The following TRMT6 variants were observed in gnomAD, a reference collection of about 807,000 sequenced individuals.
TRMT6 encodes the protein tRNA (adenine(58)-N(1))-methyltransferase non-catalytic subunit TRM6.
TRMT6 carries 34 observed loss-of-function variants against 59.0 expected under a neutral mutation model. The ratio of observed to expected loss-of-function variants is 0.58; its 90% CI spans 0.44 to 0.77. The LOEUF (loss-of-function observed/expected upper bound fraction) is 0.77, where lower values mean the gene tolerates loss of function less well. TRMT6 is among the 30% of genes least tolerant of loss of function. The pLI, the probability that TRMT6 is intolerant of heterozygous loss-of-function variation, is 0.00. For synonymous variants in TRMT6, 217 were observed against 210.5 expected, an observed-to-expected ratio of 1.03 and a Z score of -0.27; for missense variants, 575 against 604.5, an observed-to-expected ratio of 0.95 and a Z score of 0.51.
intron 1 of TRMT6, among the ~76,000 whole-genome samples, chr20:5,947,558 C>T (rs2088718541): frequency 6.6e-6 from 1 of 152,238 alleles, no homozygotes; most frequent in Admixed American, 6.5e-5. Context: ...TTACTCAAAC[C>T]ATCTGAGGGA....
In TRMT6 at chr20:5,941,988, C is replaced by T; in HGVS notation, c.1075G>A (p.Glu359Lys). ...CTTTCACTCAGCAGAGCGGCAGCCT[C>T]TAAATGTCTTTTCCTCTGCTCTTCT... ...RQEEQRKRHL[E>K]AAALLSERNA... The change falls in exon 8 of 11, where the codon GAG becomes AAG. Residue 359 changes from glutamate (E) to lysine (K), a missense_variant. Glu to Lys is a moderately conservative substitution (Grantham distance 56, BLOSUM62 1). Coordinates refer to ENST00000203001, the MANE Select transcript of TRMT6 (RefSeq NM_015939.5). The T allele has an allele frequency of 1.2e-6, 2 of 1,613,548 alleles. No individual in the cohort carries two copies. The highest frequency in any genetic ancestry group is 1.7e-5 in the Admixed American group (1 of 60,030).
intron 1 of TRMT6, among the ~76,000 whole-genome samples, chr20:5,947,752 G>A (rs933032955): frequency 1.5e-5 from 2 of 137,316 alleles, no homozygotes; most frequent in African/African-American, 3.4e-5. Context: ...TAATCACCTA[G>A]GTGCTTTGAA....
At chr20:5,942,099 T>A in intron 7 of TRMT6, 63 bp from the exon 8 acceptor site, 1 of 1,356,350 alleles carries the variant, frequency 7.4e-7, no homozygotes, top group Non-Finnish European at 1.0e-6. Context: ...ATGGAAATGC[T>A]CTGGCCTGTC....
intron 5 of TRMT6, 128 bp from the exon 6 acceptor site, chr20:5,943,811 C>T (rs1391543118): frequency 3.3e-6 from 5 of 1,519,970 alleles, no homozygotes; most frequent in Non-Finnish European, 4.4e-6. Flanking sequence ...TTGGAGGTGA[C>T]AGTAAAAGGA....
At chr20:5,938,756 T>C (rs1217915531) in intron 10 of TRMT6, 30 bp from the exon 11 acceptor site, 2 of 1,600,234 alleles carry the variant, frequency 1.2e-6, no homozygotes, top group African/African-American at 2.7e-5. Context: ...CATTCATGCT[T>C]TCCTAAGACA....
rs1283970479 is a variant in TRMT6 at position 5,943,543 on chromosome 20, A to G, written c.667+16T>C. The G allele has an allele frequency of 6.2e-7, 1 of 1,613,150 alleles. No individual in the cohort carries two copies. The highest frequency in any genetic ancestry group is 1.7e-5 in the Admixed American group (1 of 59,738). On this transcript the variant is annotated intron_variant, in intron 6 of 10. Coordinates refer to ENST00000203001, the MANE Select transcript of TRMT6 (RefSeq NM_015939.5). ...CAGGGTGGGGTTTTGTTGAAAATGG[A>G]AATATTAAATCTTACCTCCCATTCG...
At position 5,937,745 on chromosome 20, in the gene TRMT6, T is replaced by C. The variant is rs1006343563; in HGVS notation, c.*790A>G. 1.3e-5 allele frequency: 2 copies of C among 152,230 alleles called. No individual in the cohort carries two copies. The highest frequency in any genetic ancestry group is 2.9e-5 in the Non-Finnish European group (2 of 68,038). The allele number at this position is 152,230 out of a possible 1,614,324, so 9.4% of individuals were successfully genotyped here. ...ACTTGCATGTGTATGTATATATCTG[T>C]GTATATATAAATATATGTGTGTATA... On this transcript the variant is annotated 3_prime_UTR_variant, in exon 11 of 11. Transcript: ENST00000203001.
In TRMT6 at chr20:5,938,498, T is replaced by C. The variant is rs771164370; in HGVS notation, c.*37A>G. ...TAAAGTTTAATTACTAACTGTATAATGCCTGAGAACAAAATTCAGAGCAAT... is the reference window on the plus strand; with the variant it reads ...TAAAGTTTAATTACTAACTGTATAACGCCTGAGAACAAAATTCAGAGCAAT... On this transcript the variant is annotated 3_prime_UTR_variant, in exon 11 of 11. Coordinates refer to ENST00000203001, the MANE Select transcript of TRMT6 (RefSeq NM_015939.5). 3.8e-6 allele frequency: 6 copies of C among 1,589,692 alleles called. No individual in the cohort carries two copies. The highest frequency in any genetic ancestry group is 4.3e-6 in the Non-Finnish European group (5 of 1,165,720).
intron 1 of TRMT6, among the ~76,000 whole-genome samples, chr20:5,949,515 G>A (rs377588847): frequency 3.3e-5 from 5 of 152,148 alleles, no homozygotes; most frequent in African/African-American, 1.2e-4. Flanking sequence ...AAAACAGAGC[G>A]ATACTAGCCA....
chr20:5,941,893 T>C (rs1600223004), intron 8 of TRMT6, 58 bp downstream of exon 8: 2 of 1,370,466 alleles, frequency 1.5e-6, no homozygotes, highest in Non-Finnish European at 1.0e-6. Flanking sequence ...AATGCCAATC[T>C]GTCTGAAGCA....
chr20:5,950,163 G>C (rs1468247495), intron 1 of TRMT6, 115 bp downstream of exon 1: 1 of 1,141,162 alleles, frequency 8.8e-7, no homozygotes. Context: ...GGGGAATGGG[G>C]ACCGAGAGAG....
rs1013376893 is a variant in TRMT6 at position 5,938,381 on chromosome 20, T to C, written c.*154A>G. 38 of 779,592 alleles carry C rather than the reference T, an allele frequency of 4.9e-5. 1 individual carries two copies. Among genetic ancestry groups the C allele is most frequent in the East Asian group, 2.8e-4 (11 of 39,172 alleles). The allele number at this position is 779,592 out of a possible 1,614,324, so 48.3% of individuals were successfully genotyped here. On this transcript the variant is annotated 3_prime_UTR_variant, in exon 11 of 11. Coordinates refer to ENST00000203001, the MANE Select transcript of TRMT6 (RefSeq NM_015939.5). Reference sequence around the variant, plus strand: ...AGACCAAATGCATCTGTGTCAGAAATAGACAAAAGGCATATACTCCTCCTT... The same window carrying C: ...AGACCAAATGCATCTGTGTCAGAAACAGACAAAAGGCATATACTCCTCCTT...
chr20:5,941,767 C>A, intron 8 of TRMT6, 184 bp downstream of exon 8: 1 of 627,898 alleles, frequency 1.6e-6, no homozygotes, highest in Non-Finnish European at 2.8e-6. Flanking sequence ...AACCCTGAAA[C>A]CAGCATCATC....
At chr20:5,948,179 C>T (rs1158139537) in intron 1 of TRMT6, among the ~76,000 whole-genome samples, 4 of 152,134 alleles carry the variant, frequency 2.6e-5, no homozygotes, top group Non-Finnish European at 5.9e-5. Flanking sequence ...GGTGGGTTTA[C>T]CTCTCTGAGA....
At position 5,950,485 on chromosome 20, in the gene TRMT6, A is replaced by G. The variant is rs2088783039; in HGVS notation, c.-80T>C. On this transcript the variant is annotated 5_prime_UTR_variant, in exon 1 of 11. Coordinates refer to ENST00000203001, the MANE Select transcript of TRMT6 (RefSeq NM_015939.5). The stretch of plus-strand genomic sequence containing the variant: ...CGCCACCGCCAGCCTCACTTCCCAC[A>G]ACCTGGCGCACTAGGAGCCCTCCGA... 2 of 1,459,772 alleles carry G rather than the reference A, an allele frequency of 1.4e-6. No homozygotes were observed. Among genetic ancestry groups the G allele is most frequent in the South Asian group, 1.3e-5 (1 of 75,738 alleles). The allele number at this position is 1,459,772 out of a possible 1,614,324, so 90.4% of individuals were successfully genotyped here.
intron 10 of TRMT6, 84 bp from the exon 11 acceptor site, chr20:5,938,810 AAAC>A (rs1363607511): frequency 8.0e-7 from 1 of 1,248,002 alleles, no homozygotes; most frequent in African/African-American, 1.5e-5. Context: ...ATCAGAATTT[AAAC>A]AACACAGGTT....
rs1232697704 is a variant in TRMT6, at chr20:5,946,454, T to C, written c.208A>G (p.Ser70Gly). 3 of 1,614,172 alleles carry C rather than the reference T, an allele frequency of 1.9e-6. No homozygotes were observed. Among genetic ancestry groups the C allele is most frequent in the Non-Finnish European group, 2.5e-6 (3 of 1,180,018 alleles). ...HSYGTAFEVT[S>G]GGSLQPKKKR... The stretch of plus-strand genomic sequence containing the variant: ...TTCTTGGGCTGTAGACTTCCTCCAC[T>C]GGTCACTTCAAATGCAGTTCCATAA... The change falls in exon 2 of 11, where the codon AGT (serine) becomes GGT (glycine). Residue 70 changes from serine to glycine, a missense_variant. Transcript: ENST00000203001.
intron 5 of TRMT6, 131 bp from the exon 6 acceptor site, chr20:5,943,814 T>TA (rs1347370662): frequency 2.0e-6 from 3 of 1,518,504 alleles, no homozygotes; most frequent in Non-Finnish European, 2.6e-6. Context: ...GAGGTGACAG[T>TA]AAAAGGACTT....
intron 8 of TRMT6, 56 bp from the exon 9 acceptor site, chr20:5,941,401 G>A: frequency 1.6e-6 from 2 of 1,232,630 alleles, no homozygotes; most frequent in Non-Finnish European, 2.4e-6. Context: ...TGGAGCACAG[G>A]TTTTAAAATG....
Sources: allele counts gnomAD v4.1 joint callset (sites outside exome capture counted in the v4.1 genomes callset), GRCh38; gene constraint gnomAD v4.1.1; transcripts MANE v1.5; gene names NCBI Gene and HGNC (gene_info 2026-07-23, HGNC 2026-07-21).